The following OSBPL11 variants were observed in gnomAD, a reference collection of about 807,000 sequenced individuals.
OSBPL11 encodes the protein oxysterol-binding protein-related protein 11.
Under a neutral mutation model 84.4 loss-of-function variants are expected in OSBPL11, and 33 were observed. The observed-to-expected ratio is 0.39, with a 90% CI of 0.30 to 0.52. The LOEUF is 0.52. OSBPL11 is among the 20% of genes least tolerant of loss of function. OSBPL11 has a pLI of 0.72. For missense variants in OSBPL11, 736 were observed against 901.1 expected (o/e 0.82, Z 2.35); for synonymous variants, 276 against 310.2 (o/e 0.89, Z 1.16).
chr3:125,551,224 A>G (rs1049687817), intron 9 of OSBPL11, among the ~76,000 whole-genome samples: 2 of 150,660 alleles, frequency 1.3e-5, no homozygotes, highest in Non-Finnish European at 3.0e-5. Context: ...TGGAAAATCT[A>G]TTTCATAGAA....
At chr3:125,530,984 C>CTTTTTTTTTTTCCCCCCCT (rs10663462) in intron 12 of OSBPL11, among the ~76,000 whole-genome samples, 2 of 148,038 alleles carry the variant, frequency 1.4e-5, no homozygotes, top group Admixed American at 1.3e-4. Flanking sequence ...TTTTTCTTTC[C>CTTTTTTTTTTTCCCCCCCT]TTTTTTTTTT....
intron 4 of OSBPL11, among the ~76,000 whole-genome samples, chr3:125,578,311 A>C (rs1328707654): frequency 2.0e-5 from 3 of 152,238 alleles, no homozygotes; most frequent in African/African-American, 7.2e-5. Context: ...TTTACATAAA[A>C]TGCCCAGAAT....
chr3:125,575,434 C>T (rs990031616), intron 5 of OSBPL11, among the ~76,000 whole-genome samples: 3 of 151,936 alleles, frequency 2.0e-5, no homozygotes, highest in African/African-American at 7.3e-5. Flanking sequence ...CTATGTTGCC[C>T]AGGCTGGTCT....
chr3:125,566,883 C>T (rs1425766329), intron 6 of OSBPL11, among the ~76,000 whole-genome samples: 3 of 151,846 alleles, frequency 2.0e-5, no homozygotes, highest in East Asian at 1.9e-4. Context: ...CTCCTGGGCT[C>T]GGGATCCTCC....
intron 5 of OSBPL11, among the ~76,000 whole-genome samples, chr3:125,571,188 T>C (rs1936237449): frequency 6.6e-6 from 1 of 152,190 alleles, no homozygotes; most frequent in Non-Finnish European, 1.5e-5. Context: ...GCCCCTGCCC[T>C]AGAGATCTGT....
intron 2 of OSBPL11, among the ~76,000 whole-genome samples, chr3:125,580,281 G>A (rs1022585607): frequency 2.6e-5 from 4 of 152,148 alleles, no homozygotes; most frequent in Admixed American, 2.0e-4. Flanking sequence ...TTGGGAGGCA[G>A]AGGCGAGCGG....
chr3:125,568,683 G>A (rs1384467358), intron 5 of OSBPL11, among the ~76,000 whole-genome samples: 6 of 152,126 alleles, frequency 3.9e-5, no homozygotes, highest in Admixed American at 3.9e-4. Flanking sequence ...AGTACTGGAT[G>A]CAAGCTTTTC....
At chr3:125,537,692 A>G (rs953400583) in intron 11 of OSBPL11, among the ~76,000 whole-genome samples, 34 of 152,032 alleles carry the variant, frequency 2.2e-4, no homozygotes, top group Admixed American at 2.2e-3. Flanking sequence ...TCTATTTTTA[A>G]TTGATAGAAG....
chr3:125,571,820 G>C (rs1230985730), intron 5 of OSBPL11, among the ~76,000 whole-genome samples: 3 of 152,246 alleles, frequency 2.0e-5, no homozygotes, highest in Non-Finnish European at 4.4e-5. Context: ...GGCTGTCATG[G>C]AGAACCTCTG....
At chr3:125,539,787 G>A (rs1040213530) in intron 10 of OSBPL11, among the ~76,000 whole-genome samples, 18 of 152,034 alleles carry the variant, frequency 1.2e-4, no homozygotes, top group Non-Finnish European at 2.5e-4. Context: ...GTTCACTCTA[G>A]GACACAGATA....
chr3:125,580,004 C>G lies in OSBPL11; in HGVS notation c.270G>C (p.Glu90Asp), dbSNP rs149464717. Residue 90 changes from glutamate (E) to aspartate (D), a missense_variant, in exon 3 of 13, where the codon GAG becomes GAC. Glu to Asp is a conservative substitution (Grantham distance 45). Around this residue, in one of 3 missense-constraint regions of OSBPL11, gnomAD observed 43 missense variants for 78.7 expected, o/e 0.55. Coordinates refer to ENST00000296220, the MANE Select transcript of OSBPL11 (RefSeq NM_022776.5). ...FVLNNEAGLL[E>D]YFVNEQSRNQ... ...TTCTAGACTGTTCATTCACAAAGTA[C>G]TCCAACAGCCCAGCTTCATTGTTTA... 1 of 1,613,774 alleles carries G rather than the reference C, an allele frequency of 6.2e-7. No homozygotes were observed. The highest frequency in any genetic ancestry group is 1.3e-5 in the African/African-American group (1 of 74,924).
At chr3:125,550,432 T>C (rs1413186586) in intron 9 of OSBPL11, among the ~76,000 whole-genome samples, 1 of 132,836 alleles carries the variant, frequency 7.5e-6, no homozygotes, top group Non-Finnish European at 1.7e-5. Flanking sequence ...AAAAAGAGAG[T>C]ACTTTCTAAT....
At chr3:125,556,964 T>C (rs1332796155) in intron 8 of OSBPL11, among the ~76,000 whole-genome samples, 2 of 152,214 alleles carry the variant, frequency 1.3e-5, no homozygotes, top group African/African-American at 4.8e-5. Context: ...AATGTTTATA[T>C]GTATACCATT....
At chr3:125,539,799 C>T (rs1353281554) in intron 10 of OSBPL11, among the ~76,000 whole-genome samples, 2 of 152,036 alleles carry the variant, frequency 1.3e-5, no homozygotes, top group Non-Finnish European at 2.9e-5. Context: ...ACACAGATAA[C>T]AACAGGGTCA....
chr3:125,546,089 C>T (rs537471720), intron 10 of OSBPL11, among the ~76,000 whole-genome samples: 3 of 148,958 alleles, frequency 2.0e-5, no homozygotes, highest in African/African-American at 7.4e-5. Context: ...GAGTACAAAA[C>T]CAGTCTGGGC....
intron 4 of OSBPL11, among the ~76,000 whole-genome samples, chr3:125,576,994 T>A (rs1423499122): frequency 2.0e-5 from 3 of 152,222 alleles, no homozygotes; most frequent in Non-Finnish European, 4.4e-5. Context: ...TTAAACACCA[T>A]GATTAACACA....
chr3:125,577,262 T>C (rs1016901279), intron 4 of OSBPL11, among the ~76,000 whole-genome samples: 11 of 152,186 alleles, frequency 7.2e-5, no homozygotes, highest in Non-Finnish European at 1.6e-4. Context: ...ACGAAATCCT[T>C]TAAATATGCT....
At chr3:125,545,830 T>C (rs1468308137) in intron 10 of OSBPL11, among the ~76,000 whole-genome samples, 2 of 152,068 alleles carry the variant, frequency 1.3e-5, no homozygotes, top group Non-Finnish European at 2.9e-5. Context: ...AGGTAGAATA[T>C]AATATATTTA....
intron 1 of OSBPL11, among the ~76,000 whole-genome samples, chr3:125,593,361 T>C (rs1936629955): frequency 6.6e-6 from 1 of 152,206 alleles, no homozygotes; most frequent in Non-Finnish European, 1.5e-5. Flanking sequence ...GGCTCAAGCC[T>C]GTAATCCCGG....
Sources: gnomAD v4.1 joint callset for allele counts (sites outside exome capture counted in the v4.1 genomes callset) on GRCh38, gnomAD v4.1.1 for gene constraint, gnomAD v4.1.1 regional missense constraint, MANE v1.5 for transcripts, NCBI Gene and HGNC (gene_info 2026-07-23, HGNC 2026-07-21) for gene names.